Variants in YTHDF2 observed in about 807,000 individuals in gnomAD.
YTHDF2 encodes the protein YTH domain-containing family protein 2.
Under a neutral mutation model 50.4 loss-of-function variants are expected in YTHDF2, and 2 were observed. That is an observed-to-expected ratio of 0.04 (90% confidence interval 0.02 to 0.12). The LOEUF (loss-of-function observed/expected upper bound fraction) is 0.12. Ranked by LOEUF, YTHDF2 falls within the 10% of genes least tolerant of loss-of-function variation. YTHDF2 has a pLI of 1.00. For missense variants in YTHDF2, 483 were observed against 722.6 expected, an observed-to-expected ratio of 0.67 and a Z score of 3.80; for synonymous variants, 217 against 255.6, an observed-to-expected ratio of 0.85 and a Z score of 1.44.
intron 4 of YTHDF2, among the ~76,000 whole-genome samples, chr1:28,758,126 C>A (rs891859829): frequency 6.6e-6 from 1 of 151,928 alleles, no homozygotes; most frequent in Non-Finnish European, 1.5e-5. Context: ...TGCTAACTGG[C>A]CGGGTGTGGT....
intron 4 of YTHDF2, among the ~76,000 whole-genome samples, chr1:28,745,611 G>A (rs1204644619): frequency 1.3e-5 from 2 of 151,882 alleles, no homozygotes; most frequent in African/African-American, 4.8e-5. Flanking sequence ...TGTAATCTCA[G>A]CTACTTGGGA....
In YTHDF2 at chr1:28,743,460, A is replaced by G. The variant is rs768907945; in HGVS notation, c.1190A>G (p.Asn397Ser). Residue 397 changes from asparagine to serine, a missense_variant, in exon 4 of 5, where the codon AAC becomes AGC. Asn to Ser is a conservative substitution (Grantham distance 46). Coordinates refer to ENST00000373812, the MANE Select transcript of YTHDF2 (RefSeq NM_016258.3). This position sits in a 1 kb window ranked among gnomAD's most constrained non-coding sequence, Gnocchi z 6.9. The part of the protein sequence containing the change: ...PVLEKLRSIN[N>S]YNPKDFDWNL... The stretch of plus-strand genomic sequence containing the variant: ...TTGGAGAAGCTTCGGTCCATTAATA[A>G]CTATAACCCCAAAGATTTTGACTGG... 6.2e-7 allele frequency: 1 copy of G among 1,614,170 alleles called. No individual in the cohort carries two copies. Among genetic ancestry groups the G allele is most frequent in the Non-Finnish European group, 8.5e-7 (1 of 1,180,028 alleles).
intron 4 of YTHDF2, among the ~76,000 whole-genome samples, chr1:28,751,634 A>G (rs1040780142): frequency 1.3e-5 from 2 of 152,214 alleles, no homozygotes; most frequent in African/African-American, 4.8e-5. Context: ...AAGAGAATAG[A>G]TAACATTGAA....
At chr1:28,744,088 T>G in intron 4 of YTHDF2, 102 bp downstream of exon 4, 1 of 1,235,360 alleles carries the variant, frequency 8.1e-7, no homozygotes, top group Non-Finnish European at 1.1e-6. Context: ...TGTAAATGAA[T>G]ACAGTATCAC....
intron 4 of YTHDF2, among the ~76,000 whole-genome samples, chr1:28,765,492 C>T (rs1426481361): frequency 1.3e-5 from 2 of 152,102 alleles, no homozygotes; most frequent in Admixed American, 1.3e-4. Context: ...GCGGTGGCAT[C>T]ATAGCTCACT....
chr1:28,754,892 A>C (rs2088012879), intron 4 of YTHDF2, among the ~76,000 whole-genome samples: 3 of 148,400 alleles, frequency 2.0e-5, no homozygotes, highest in Non-Finnish European at 3.0e-5. Context: ...GATGAGAATC[A>C]CTTGAACCTG....
intron 3 of YTHDF2, among the ~76,000 whole-genome samples, chr1:28,738,888 A>G (rs572871721): frequency 6.6e-6 from 1 of 152,354 alleles, no homozygotes; most frequent in African/African-American, 2.4e-5. Context: ...CATCTCTGTA[A>G]TATCAGCAAC....
rs929388014 is a variant in YTHDF2, at chr1:28,747,539, C to A, written c.1716+3553C>A. Among the ~76,000 whole-genome samples the A allele has an allele frequency of 2.0e-5, 3 of 148,032 alleles. 1 individual carries two copies. The highest frequency in any genetic ancestry group is 7.4e-5 in the African/African-American group (3 of 40,278). ...AAACTTGTCTAAAAAAAAAAAAAAA[C>A]CATTCCATAAAGACTTTTTTTTTTT... is the stretch of plus-strand genomic sequence containing the variant. On this transcript the variant is annotated intron_variant, in intron 4 of 4. Transcript: ENST00000373812.
chr1:28,737,258 T>C, intron 1 of YTHDF2, 111 bp downstream of exon 1: 1 of 1,401,718 alleles, frequency 7.1e-7, no homozygotes, highest in African/African-American at 1.5e-5. Context: ...CGTCGTCTCT[T>C]GCGGGCCAGG....
At chr1:28,752,063 G>A (rs1350280299) in intron 4 of YTHDF2, among the ~76,000 whole-genome samples, 1 of 152,208 alleles carries the variant, frequency 6.6e-6, no homozygotes, top group Non-Finnish European at 1.5e-5. Flanking sequence ...GTAAGTGTTG[G>A]AGTTGGTCTT....
chr1:28,767,984 C>T (rs571322976), intron 4 of YTHDF2, among the ~76,000 whole-genome samples: 33 of 150,744 alleles, frequency 2.2e-4, no homozygotes, highest in African/African-American at 7.6e-4. Flanking sequence ...GAGCAGATCA[C>T]AAGGTCAGGA....
chr1:28,760,586 CTT>C (rs1183524558), intron 4 of YTHDF2, among the ~76,000 whole-genome samples: 1 of 151,004 alleles, frequency 6.6e-6, no homozygotes, highest in Non-Finnish European at 1.5e-5. Context: ...CCACACCTGG[CTT>C]TTTTTTTGAG....
rs376671298 is a variant in YTHDF2 at position 28,738,412 on chromosome 1, C to T, written c.132+74C>T. On this transcript the variant is annotated intron_variant, in intron 3 of 4. Transcript: ENST00000373812. ...TTTCTCCGCCTTCTACCAATAAATC[C>T]CATTTTCTGAGGATTCATTTTTTTT... The T allele has an allele frequency of 1.7e-5, 21 of 1,256,406 alleles. No individual in the cohort carries two copies. The African/African-American group carries it at 2.9e-4, about 17-fold the overall frequency. The allele number at this position is 1,256,406 out of a possible 1,614,324, so 77.8% of individuals were successfully genotyped here. A position where few individuals can be genotyped will look rare whatever the true frequency, so the allele number is the denominator to read the frequency against.
chr1:28,745,205 A>AG (rs1165682785), intron 4 of YTHDF2, among the ~76,000 whole-genome samples: 3 of 152,128 alleles, frequency 2.0e-5, no homozygotes, highest in African/African-American at 7.2e-5. Flanking sequence ...TTAGCAGTGG[A>AG]GGAAGGGCTC....
chr1:28,764,048 C>T (rs1267820284), intron 4 of YTHDF2, among the ~76,000 whole-genome samples: 1 of 150,630 alleles, frequency 6.6e-6, no homozygotes, highest in Admixed American at 6.6e-5. Context: ...CTCCCAGGTT[C>T]AAGCGATTTT....
intron 4 of YTHDF2, among the ~76,000 whole-genome samples, chr1:28,761,775 G>A (rs1280946683): frequency 1.3e-5 from 2 of 152,128 alleles, no homozygotes; most frequent in Admixed American, 1.3e-4. Context: ...GCCCAGGCTG[G>A]TCTCAAACTG....
At chr1:28,756,261 T>G (rs1260842513) in intron 4 of YTHDF2, among the ~76,000 whole-genome samples, 1 of 152,214 alleles carries the variant, frequency 6.6e-6, no homozygotes, top group Non-Finnish European at 1.5e-5. Flanking sequence ...AGCATTTTGA[T>G]TTTGATGTGG....
intron 4 of YTHDF2, among the ~76,000 whole-genome samples, chr1:28,744,354 A>G (rs2124171210): frequency 6.6e-6 from 1 of 152,340 alleles, no homozygotes; most frequent in South Asian, 2.1e-4. Context: ...ATGGCAGAGA[A>G]AAATCGAAAT....
At chr1:28,752,179 G>A (rs1298847288) in intron 4 of YTHDF2, among the ~76,000 whole-genome samples, 3 of 152,142 alleles carry the variant, frequency 2.0e-5, no homozygotes, top group Non-Finnish European at 2.9e-5. Flanking sequence ...AATTACCATC[G>A]TATTAGGTAA....
Sources: gnomAD v4.1 joint callset for allele counts (sites outside exome capture counted in the v4.1 genomes callset) on GRCh38, gnomAD v4.1.1 for gene constraint, Gnocchi (gnomAD v3.1) non-coding constraint, MANE v1.5 for transcripts, NCBI Gene and HGNC (gene_info 2026-07-23, HGNC 2026-07-21) for gene names.